The following TRPC4AP variants were observed in gnomAD, a reference collection of about 807,000 sequenced individuals.
TRPC4AP encodes short transient receptor potential channel 4-associated protein.
A neutral mutation model predicts 99.0 loss-of-function variants in TRPC4AP; 45 were observed. That is an observed-to-expected ratio of 0.45 (90% confidence interval 0.36 to 0.58). The LOEUF is 0.58. Among genes scored for constraint, TRPC4AP ranks in the 20% least tolerant of loss-of-function variants. The pLI, the probability that TRPC4AP is intolerant of heterozygous loss-of-function variation, is 0.00. For missense variants in TRPC4AP, 879 were observed against 985.3 expected (o/e 0.89, Z 1.44); for synonymous variants, 408 against 385.8 (o/e 1.06, Z -0.67).
chr20:35,013,163 T>C (rs1016803292), intron 10 of TRPC4AP, 97 bp from the exon 11 acceptor site: 2 of 1,130,014 alleles, frequency 1.8e-6, no homozygotes, highest in Non-Finnish European at 2.7e-6. Context: ...TCTCTAAGCC[T>C]CTGTCCTCAT....
rs879395518 is a variant in TRPC4AP, at chr20:35,068,980, A to ACAC, written c.414+315_414+316insGTG. ...ACACACACACACACACACACACACA[A>ACAC]AAAAAACAAAACATCTTAAGCAGGA... On this transcript the variant is annotated intron_variant, in intron 3 of 18. Transcript: ENST00000252015. 1.7e-4 allele frequency among the ~76,000 whole-genome samples: 12 copies of ACAC among 71,608 alleles called. No individual in the cohort carries two copies. In the East Asian group the frequency reaches 2.4e-3, roughly 14 times the overall value. The allele number at this position is 71,608 out of a possible 152,430, so 47.0% of individuals were successfully genotyped here. A position where few individuals can be genotyped will look rare whatever the true frequency, so the allele number is the denominator to read the frequency against.
chr20:35,010,115 C>G (rs2082599483), intron 12 of TRPC4AP, 72 bp downstream of exon 12: 2 of 1,296,968 alleles, frequency 1.5e-6, no homozygotes, highest in South Asian at 2.4e-5. Context: ...CCTGGATGTG[C>G]TCACCGGTGA....
chr20:35,082,020 A>T (rs1443441327), intron 1 of TRPC4AP, among the ~76,000 whole-genome samples: 1 of 152,044 alleles, frequency 6.6e-6, no homozygotes, highest in Non-Finnish European at 1.5e-5. Context: ...AACAACAACA[A>T]AGTACTACCA....
At chr20:35,081,628 A>G (rs2084649458) in intron 1 of TRPC4AP, among the ~76,000 whole-genome samples, 1 of 152,218 alleles carries the variant, frequency 6.6e-6, no homozygotes, top group Admixed American at 6.6e-5. Context: ...AATGGGAAAT[A>G]ATACTCAATG....
chr20:35,012,877 A>G (rs983921681), intron 11 of TRPC4AP, 131 bp downstream of exon 11: 1 of 864,378 alleles, frequency 1.2e-6, no homozygotes, highest in South Asian at 1.5e-5. Context: ...ACCTGCTAAC[A>G]CTGAGGGGAC....
intron 8 of TRPC4AP, among the ~76,000 whole-genome samples, chr20:35,023,352 G>A (rs543301413): frequency 1.3e-5 from 2 of 152,262 alleles, no homozygotes; most frequent in Admixed American, 1.3e-4. Context: ...GAAGGTGCCT[G>A]GAACATAGCC....
In TRPC4AP at chr20:35,006,507, G is replaced by A. The variant is rs1416020271; in HGVS notation, c.1755C>T (p.Leu585=). ...SRDVLQSYFD[L]LGELMKFNVD... ...CGTTGAACTTCATCAGCTCCCCCAG[G>A]AGGTCAAAGTAACTCTGGAGCACAT... The change falls in exon 15 of 19, where the codon CTC becomes CTT. Residue 585 remains leucine, a synonymous_variant. Coordinates refer to ENST00000252015, the MANE Select transcript of TRPC4AP (RefSeq NM_015638.3). 6.2e-7 allele frequency: 1 copy of A among 1,614,180 alleles called. No homozygotes were observed. The highest frequency in any genetic ancestry group is 8.5e-7 in the Non-Finnish European group (1 of 1,180,044).
intron 7 of TRPC4AP, among the ~76,000 whole-genome samples, chr20:35,037,741 G>A (rs1023382323): frequency 1.3e-5 from 2 of 152,252 alleles, no homozygotes; most frequent in Non-Finnish European, 2.9e-5. Context: ...CACAGAAGAC[G>A]GTGGTGCCAT....
At chr20:35,047,964 T>A (rs1361057812) in intron 6 of TRPC4AP, among the ~76,000 whole-genome samples, 1 of 152,118 alleles carries the variant, frequency 6.6e-6, no homozygotes, top group Non-Finnish European at 1.5e-5. Flanking sequence ...AAAAAGAGGA[T>A]ATTCTGCTGA....
chr20:35,066,457 C>A (rs1369852579), intron 3 of TRPC4AP, among the ~76,000 whole-genome samples: 1 of 152,068 alleles, frequency 6.6e-6, no homozygotes, highest in Non-Finnish European at 1.5e-5. Context: ...CATTCCTGTA[C>A]AATCGCCACA....
At chr20:35,071,237 T>C (rs2057745947) in intron 2 of TRPC4AP, among the ~76,000 whole-genome samples, 1 of 152,196 alleles carries the variant, frequency 6.6e-6, no homozygotes, top group Non-Finnish European at 1.5e-5. Context: ...TTCAGTTTCA[T>C]TACGTTCAAT....
intron 10 of TRPC4AP, 130 bp from the exon 11 acceptor site, chr20:35,013,196 G>A (rs2082677241): frequency 1.3e-6 from 1 of 777,352 alleles, no homozygotes; most frequent in African/African-American, 1.7e-5. Context: ...CTTTTCTTTA[G>A]TTAGAAAACC....
intron 7 of TRPC4AP, among the ~76,000 whole-genome samples, chr20:35,044,248 C>T (rs914673510): frequency 2.6e-5 from 4 of 151,106 alleles, no homozygotes; most frequent in Admixed American, 6.6e-5. Flanking sequence ...AAAATTAGCC[C>T]GGTGTGGTGG....
chr20:35,023,429 C>T (rs992326928), intron 8 of TRPC4AP, among the ~76,000 whole-genome samples: 2 of 152,150 alleles, frequency 1.3e-5, no homozygotes, highest in Admixed American at 6.5e-5. Flanking sequence ...AGTTTTTCTG[C>T]GAATGCTTGC....
rs1371562217 is a variant in TRPC4AP at position 35,010,219 on chromosome 20, G to T, written c.1479C>A (p.Ile493=). Residue 493 remains isoleucine, a synonymous_variant, in exon 12 of 19, where the codon ATC becomes ATA. Transcript: ENST00000252015. The part of the protein sequence containing the change: ...ELSAISLKAN[I]PEVEAVLNTD... ...TGTTGAGGACAGCTTCCACCTCAGG[G>T]ATGTTGGCCTTGAGAGAGATGGCAC... is the stretch of plus-strand genomic sequence containing the variant. The T allele has an allele frequency of 6.2e-7, 1 of 1,614,098 alleles. No individual in the cohort carries two copies. Among genetic ancestry groups the T allele is most frequent in the African/African-American group, 1.3e-5 (1 of 74,948 alleles).
At chr20:35,010,102 A>G in intron 12 of TRPC4AP, 85 bp downstream of exon 12, 1 of 1,095,870 alleles carries the variant, frequency 9.1e-7, no homozygotes, top group Non-Finnish European at 1.4e-6. Context: ...ACACGCGTGC[A>G]TACCTGGATG....
intron 1 of TRPC4AP, among the ~76,000 whole-genome samples, chr20:35,082,499 T>C (rs974821519): frequency 1.1e-4 from 17 of 152,152 alleles, no homozygotes; most frequent in Non-Finnish European, 1.5e-5. Flanking sequence ...TCGAAGTGGA[T>C]ATATGAAAAT....
chr20:35,024,325 A>C (rs2082966344), intron 8 of TRPC4AP, among the ~76,000 whole-genome samples: 1 of 151,794 alleles, frequency 6.6e-6, no homozygotes, highest in African/African-American at 2.4e-5. Flanking sequence ...TTTCCCACCA[A>C]ACTCCTTAGC....
At position 35,035,242 on chromosome 20, in the gene TRPC4AP, T is replaced by C; in HGVS notation, c.932A>G (p.Glu311Gly). ...LCKLATRKVS[E>G]STGTASFLQE... ...AAGGAAGCTGGCTGTGCCCGTTGACTCTGACACCTTTCGAGTCGCCAGTTT... is the reference window on the plus strand; with the variant it reads ...AAGGAAGCTGGCTGTGCCCGTTGACCCTGACACCTTTCGAGTCGCCAGTTT... The change falls in exon 8 of 19, where the codon GAG becomes GGG. Residue 311 changes from glutamate to glycine, a missense_variant. Transcript: ENST00000252015. The C allele has an allele frequency of 6.2e-7, 1 of 1,614,106 alleles. No homozygotes were observed. Among genetic ancestry groups the C allele is most frequent in the Non-Finnish European group, 8.5e-7 (1 of 1,180,010 alleles).
Sources: gnomAD v4.1 joint callset for allele counts (sites outside exome capture counted in the v4.1 genomes callset) on GRCh38, gnomAD v4.1.1 for gene constraint, MANE v1.5 for transcripts, NCBI Gene and HGNC (gene_info 2026-07-23, HGNC 2026-07-21) for gene names.